Variants in JPH3 observed in about 807,000 individuals in gnomAD.
JPH3 encodes the protein junctophilin-3.
In JPH3, 11 loss-of-function variants were observed where a neutral mutation model predicts 59.6. The observed-to-expected ratio is 0.18, with a 90% CI of 0.12 to 0.31. The LOEUF (loss-of-function observed/expected upper bound fraction) is 0.31, where lower values mean the gene tolerates loss of function less well. JPH3 is among the 10% of genes least tolerant of loss of function. JPH3 has a pLI of 1.00. For synonymous variants in JPH3, 673 were observed against 483.6 expected (o/e 1.39, Z -5.14); for missense variants, 1,202 against 1,105.7 (o/e 1.09, Z -1.24).
intron 2 of JPH3, among the ~76,000 whole-genome samples, chr16:87,665,522 G>GC (rs1241181400): frequency 6.6e-6 from 1 of 152,180 alleles, no homozygotes; most frequent in African/African-American, 2.4e-5. Context: ...GCCTCCCAAG[G>GC]CCCCCCAACA....
At chr16:87,660,119 G>T (rs1360419183) in intron 2 of JPH3, among the ~76,000 whole-genome samples, 5 of 152,196 alleles carry the variant, frequency 3.3e-5, no homozygotes, top group Non-Finnish European at 7.3e-5. Context: ...CATCTGTAAA[G>T]GGGAGCTGAG....
intron 1 of JPH3, among the ~76,000 whole-genome samples, chr16:87,628,185 C>T (rs1193423095): frequency 6.6e-6 from 1 of 152,256 alleles, no homozygotes; most frequent in Admixed American, 6.5e-5. Flanking sequence ...GCCAGCAGGA[C>T]GCCCAGGTCT....
At chr16:87,634,878 C>T (rs7185183) in intron 1 of JPH3, among the ~76,000 whole-genome samples, 38,271 of 152,216 alleles carry the variant, frequency 0.25, 5,380 homozygotes, top group Non-Finnish European at 0.33. Flanking sequence ...AGGTTTCAGT[C>T]CCGCTCTAGC....
intron 2 of JPH3, among the ~76,000 whole-genome samples, chr16:87,660,686 A>G (rs1035613001): frequency 2.6e-5 from 4 of 152,160 alleles, no homozygotes; most frequent in Admixed American, 6.5e-5. Flanking sequence ...CCTCCCCACC[A>G]GCTGCCTCTT....
At chr16:87,622,322 C>T (rs541888725) in intron 1 of JPH3, among the ~76,000 whole-genome samples, 4 of 152,344 alleles carry the variant, frequency 2.6e-5, no homozygotes, top group African/African-American at 9.6e-5. Context: ...GGTCTGAGGT[C>T]AGCTTCCCAG....
Position 87,690,496 on chromosome 16 carries a change from G to A in JPH3, c.2136G>A (p.Glu712=), listed in dbSNP as rs914393237. The change falls in exon 4 of 5, where the codon GAG becomes GAA. Residue 712 remains glutamate, a synonymous_variant. Transcript: ENST00000284262. Reference sequence around the variant, plus strand: ...TGCCTGTCGCTCTAGAGTCCGACGAGGAGAATGGGGATGAGCTCAAGTCCA... The same window carrying A: ...TGCCTGTCGCTCTAGAGTCCGACGAAGAGAATGGGGATGAGCTCAAGTCCA... ...KSLPVALESD[E]ENGDELKSST... The A allele has an allele frequency of 6.7e-7, 1 of 1,484,630 alleles. No homozygotes were observed. The allele number at this position is 1,484,630 out of a possible 1,614,324, so 92.0% of individuals were successfully genotyped here. A position where few individuals can be genotyped will look rare whatever the true frequency, so the allele number is the denominator to read the frequency against.
At chr16:87,685,404 T>C (rs527990257) in intron 3 of JPH3, among the ~76,000 whole-genome samples, 3 of 152,362 alleles carry the variant, frequency 2.0e-5, no homozygotes, top group Admixed American at 6.5e-5. Context: ...ATGGGCCACG[T>C]GCCCCTGTGG....
chr16:87,636,979 G>A (rs1475938940), intron 1 of JPH3, among the ~76,000 whole-genome samples: 3 of 152,182 alleles, frequency 2.0e-5, no homozygotes, highest in South Asian at 2.1e-4. Context: ...CAGCACTGCC[G>A]GCCAGGCTCC....
At position 87,610,429 on chromosome 16, in the gene JPH3, G is replaced by A. The variant is rs149597514; in HGVS notation, c.382+6901G>A. ...GTAAGTTCCATATGGGAAGCGGTTT[G>A]TGTCCATGCTGGTCACTGCCATGTG... is the stretch of plus-strand genomic sequence containing the variant. On this transcript the variant is annotated intron_variant, in intron 1 of 4. Coordinates refer to ENST00000284262, the MANE Select transcript of JPH3 (RefSeq NM_020655.4). 4.2e-3 allele frequency among the ~76,000 whole-genome samples: 644 copies of A among 152,346 alleles called. 1 individual carries two copies. The highest frequency in any genetic ancestry group is 7.5e-3 in the Non-Finnish European group (510 of 68,036).
chr16:87,689,871 A>T lies in JPH3; in HGVS notation c.1511A>T (p.Gln504Leu), dbSNP rs1433548087. The part of the protein sequence containing the change: ...ARNKVAHFSR[Q>L]VSVDEERGGD... ...AACAAGGTCGCCCACTTCTCGAGGC[A>T]GGTGTCGGTGGACGAGGAGCGGGGC... is the stretch of plus-strand genomic sequence containing the variant. Residue 504 changes from glutamine to leucine, a missense_variant, in exon 4 of 5, where the codon CAG becomes CTG. Gln to Leu is a moderately radical substitution (Grantham distance 113). Transcript: ENST00000284262. 1.3e-6 allele frequency: 2 copies of T among 1,493,798 alleles called. No homozygotes were observed. The highest frequency in any genetic ancestry group is 2.6e-5 in the South Asian group (2 of 76,274). The allele number at this position is 1,493,798 out of a possible 1,614,324, so 92.5% of individuals were successfully genotyped here. A position where few individuals can be genotyped will look rare whatever the true frequency, so the allele number is the denominator to read the frequency against.
chr16:87,694,235 G>T (rs1315372285), intron 4 of JPH3: 2 of 152,354 alleles, frequency 1.3e-5, no homozygotes, highest in Non-Finnish European at 2.9e-5. Context: ...CGAGGGTGTG[G>T]TGGGTTCTGA....
chr16:87,645,970 C>T (rs1376411153), intron 2 of JPH3, among the ~76,000 whole-genome samples: 1 of 152,242 alleles, frequency 6.6e-6, no homozygotes, highest in Non-Finnish European at 1.5e-5. Flanking sequence ...CTTTGCTTTC[C>T]ACCGGCATTT....
At chr16:87,649,586 T>C (rs963878790) in intron 2 of JPH3, among the ~76,000 whole-genome samples, 1 of 152,150 alleles carries the variant, frequency 6.6e-6, no homozygotes, top group African/African-American at 2.4e-5. Context: ...GTGACATGGC[T>C]TCATTTTCAA....
At chr16:87,660,530 T>C (rs990392851) in intron 2 of JPH3, among the ~76,000 whole-genome samples, 1 of 152,198 alleles carries the variant, frequency 6.6e-6, no homozygotes, top group Non-Finnish European at 1.5e-5. Context: ...CTGCTCATGC[T>C]TCTGTCCTGG....
chr16:87,625,961 AGGCCAGG>A (rs1413316920), intron 1 of JPH3, among the ~76,000 whole-genome samples: 1 of 152,212 alleles, frequency 6.6e-6, no homozygotes, highest in Non-Finnish European at 1.5e-5. Context: ...TCCACGGGAC[AGGCCAGG>A]GGCTCAGAAG....
chr16:87,664,157 T>A (rs992968618), intron 2 of JPH3, among the ~76,000 whole-genome samples: 1 of 151,360 alleles, frequency 6.6e-6, no homozygotes, highest in South Asian at 2.1e-4. Context: ...CGGTGAAACC[T>A]CGTCTCTACT....
chr16:87,625,549 G>A (rs2031341915), intron 1 of JPH3, among the ~76,000 whole-genome samples: 1 of 152,236 alleles, frequency 6.6e-6, no homozygotes, highest in East Asian at 1.9e-4. Context: ...CTGCAGCCAA[G>A]GTCCCAAGAA....
chr16:87,676,172 G>A (rs971384304), intron 2 of JPH3, among the ~76,000 whole-genome samples: 3 of 152,210 alleles, frequency 2.0e-5, no homozygotes, highest in Non-Finnish European at 2.9e-5. Flanking sequence ...CCATGGAAAT[G>A]TGCTCTTTTT....
chr16:87,683,979 G>A (rs2150874722), intron 2 of JPH3, 163 bp from the exon 3 acceptor site: 1 of 612,458 alleles, frequency 1.6e-6, no homozygotes, highest in East Asian at 2.8e-5. Flanking sequence ...TTGAATGAAT[G>A]AATGAATGAA....
Sources: gnomAD v4.1 joint callset for allele counts (sites outside exome capture counted in the v4.1 genomes callset) on GRCh38, gnomAD v4.1.1 for gene constraint, MANE v1.5 for transcripts, NCBI Gene and HGNC (gene_info 2026-07-23, HGNC 2026-07-21) for gene names.